The following FBXL13 variants were observed in gnomAD, a reference collection of about 807,000 sequenced individuals.
FBXL13 encodes F-box and leucine-rich repeat protein 13.
In FBXL13, 67 loss-of-function variants were observed where a neutral mutation model predicts 83.6. The ratio of observed to expected loss-of-function variants is 0.80; its 90% CI spans 0.66 to 0.98. FBXL13 has a LOEUF of 0.98. Among genes scored for constraint, FBXL13 ranks in the 50% least tolerant of loss-of-function variants. The probability of loss-of-function intolerance (pLI) is 0.00; values close to 1 mark genes in which losing one functional copy is unlikely to be tolerated. For missense variants in FBXL13, 822 were observed against 866.5 expected (o/e 0.95, Z 0.64); for synonymous variants, 272 against 299.5 (o/e 0.91, Z 0.95).
intron 16 of FBXL13, among the ~76,000 whole-genome samples, chr7:102,866,088 G>A (rs1807604593): frequency 6.6e-6 from 1 of 152,148 alleles, no homozygotes; most frequent in Admixed American, 6.5e-5. Flanking sequence ...AGGAAAGCAA[G>A]CTTTGATCAC....
chr7:102,831,394 GACACACACACAC>G (rs3045618), intron 18 of FBXL13, among the ~76,000 whole-genome samples: 37 of 141,566 alleles, frequency 2.6e-4, no homozygotes, highest in Non-Finnish European at 3.5e-4. Context: ...CAGTGCCCGG[GACACACACACAC>G]ACACACACAC....
intron 9 of FBXL13, among the ~76,000 whole-genome samples, chr7:102,926,621 CT>C (rs1446939112): frequency 1.3e-5 from 2 of 152,176 alleles, no homozygotes; most frequent in Non-Finnish European, 2.9e-5. Context: ...CACAATGACA[CT>C]TCATTAAAAT....
chr7:103,045,263 A>G (rs894562035), intron 2 of FBXL13, among the ~76,000 whole-genome samples: 5 of 152,226 alleles, frequency 3.3e-5, no homozygotes, highest in Non-Finnish European at 7.3e-5. Flanking sequence ...AGACTCAGCT[A>G]TTGATACACG....
intron 8 of FBXL13, among the ~76,000 whole-genome samples, chr7:102,956,485 G>T (rs1490968989): frequency 6.6e-6 from 1 of 152,158 alleles, no homozygotes; most frequent in East Asian, 1.9e-4. Context: ...AGGCAAGGAT[G>T]TCCTCTCTCA....
At chr7:102,859,927 G>C (rs964721616) in intron 16 of FBXL13, among the ~76,000 whole-genome samples, 2 of 152,210 alleles carry the variant, frequency 1.3e-5, no homozygotes, top group East Asian at 3.8e-4. Context: ...TGAGGCACCA[G>C]AAATTCACAG....
At chr7:102,957,267 G>A (rs901045232) in intron 8 of FBXL13, among the ~76,000 whole-genome samples, 11 of 152,056 alleles carry the variant, frequency 7.2e-5, no homozygotes, top group East Asian at 3.9e-4. Context: ...CAAACGTGAC[G>A]AAAACAAGAA....
intron 2 of FBXL13, among the ~76,000 whole-genome samples, chr7:103,039,224 G>A (rs1480287173): frequency 1.3e-5 from 2 of 152,146 alleles, no homozygotes; most frequent in African/African-American, 2.4e-5. Flanking sequence ...GGATATCAGT[G>A]ATTGAAGATC....
chr7:102,876,228 T>C (rs1348852864), intron 16 of FBXL13, among the ~76,000 whole-genome samples: 1 of 152,138 alleles, frequency 6.6e-6, no homozygotes, highest in African/African-American at 2.4e-5. Flanking sequence ...TGAAGGGGCC[T>C]TGGAGTTGGA....
At chr7:103,040,613 CA>C (rs1321650597) in intron 2 of FBXL13, among the ~76,000 whole-genome samples, 1 of 152,084 alleles carries the variant, frequency 6.6e-6, no homozygotes, top group Non-Finnish European at 1.5e-5. Flanking sequence ...ACAGAAATCA[CA>C]AAAAACTGTC....
intron 8 of FBXL13, among the ~76,000 whole-genome samples, chr7:102,948,927 G>A (rs1336702943): frequency 1.3e-5 from 2 of 151,536 alleles, no homozygotes; most frequent in African/African-American, 2.4e-5. Context: ...GGCCAGGCTG[G>A]GCTCAAACTC....
intron 2 of FBXL13, among the ~76,000 whole-genome samples, chr7:103,032,270 A>G (rs973290459): frequency 2.0e-5 from 3 of 152,186 alleles, no homozygotes; most frequent in African/African-American, 7.2e-5. Context: ...TAAAATAAAC[A>G]CCTAATACCC....
At chr7:103,016,348 C>T (rs544009990) in intron 6 of FBXL13, among the ~76,000 whole-genome samples, 7 of 151,740 alleles carry the variant, frequency 4.6e-5, no homozygotes, top group Non-Finnish European at 8.8e-5. Flanking sequence ...CCAAGATGGC[C>T]GAATAGGAAC....
At chr7:102,950,567 A>G (rs1823249045) in intron 8 of FBXL13, among the ~76,000 whole-genome samples, 1 of 152,252 alleles carries the variant, frequency 6.6e-6, no homozygotes. Flanking sequence ...ATAAATGTTT[A>G]TAACAACTTT....
chr7:102,882,548 G>C (rs1471092537), intron 14 of FBXL13, among the ~76,000 whole-genome samples: 2 of 152,094 alleles, frequency 1.3e-5, no homozygotes, highest in African/African-American at 4.8e-5. Flanking sequence ...GATCACTTGA[G>C]GTCAGGAATT....
rs75911086 is a variant in FBXL13 at position 102,937,902 on chromosome 7, A to G, written c.725-5969T>C. Among the ~76,000 whole-genome samples the G allele has an allele frequency of 3.7e-3, 569 of 152,264 alleles. 5 individuals are homozygous for G. Among genetic ancestry groups the G allele is most frequent in the African/African-American group, 0.014 (562 of 41,552 alleles). The stretch of plus-strand genomic sequence containing the variant: ...AGAGAACTTGCATACAGATTCCCCA[A>G]CTCGGAGTTGAGACTTGCCCAGCTG... On this transcript the variant is annotated intron_variant, in intron 8 of 19. Coordinates refer to ENST00000313221, the Ensembl canonical transcript of FBXL13.
intron 16 of FBXL13, among the ~76,000 whole-genome samples, chr7:102,871,510 C>T (rs911785176): frequency 2.0e-5 from 3 of 151,976 alleles, no homozygotes; most frequent in Admixed American, 2.0e-4. Context: ...CTCAGCCCCC[C>T]AGGTAGCTGG....
intron 8 of FBXL13, among the ~76,000 whole-genome samples, chr7:102,950,134 C>A (rs1041520436): frequency 2.0e-5 from 3 of 151,724 alleles, no homozygotes; most frequent in Admixed American, 2.0e-4. Context: ...AACAGAAACA[C>A]AACAATAAGA....
intron 2 of FBXL13, among the ~76,000 whole-genome samples, chr7:103,053,157 T>C (rs1172115890): frequency 6.6e-6 from 1 of 152,100 alleles, no homozygotes; most frequent in Non-Finnish European, 1.5e-5. Context: ...TTTTGTTTTG[T>C]TTTGTTTTTT....
At chr7:102,939,537 C>A (rs1333428450) in intron 8 of FBXL13, 1 of 1,614,008 alleles carries the variant, frequency 6.2e-7, no homozygotes, top group Non-Finnish European at 8.5e-7. Flanking sequence ...TGTTCATGAG[C>A]TGAAGAAATT....
Sources: allele counts gnomAD v4.1 joint callset (sites outside exome capture counted in the v4.1 genomes callset), GRCh38; gene constraint gnomAD v4.1.1; transcripts MANE v1.5; gene names NCBI Gene and HGNC (gene_info 2026-07-23, HGNC 2026-07-21).